PID1: variants seen among roughly 807,000 people sequenced by gnomAD.
PID1 encodes the protein PTB-containing, cubilin and LRP1-interacting protein.
PID1 carries 10 observed loss-of-function variants against 19.1 expected under a neutral mutation model. The ratio of observed to expected loss-of-function variants is 0.52; its 90% CI spans 0.32 to 0.89. The LOEUF (loss-of-function observed/expected upper bound fraction) is 0.89. Among genes scored for constraint, PID1 ranks in the 40% least tolerant of loss-of-function variants. PID1 has a pLI of 0.03. For synonymous variants in PID1, 130 were observed against 116.0 expected, an observed-to-expected ratio of 1.12 and a Z score of -0.78; for missense variants, 248 against 285.3, an observed-to-expected ratio of 0.87 and a Z score of 0.94.
intron 2 of PID1, among the ~76,000 whole-genome samples, chr2:229,063,215 T>C (rs150132400): frequency 6.9e-4 from 105 of 152,186 alleles, no homozygotes; most frequent in African/African-American, 2.3e-3. Flanking sequence ...TAATGTTAGA[T>C]TGTTTATTTG....
chr2:229,046,716 G>C (rs774733687), intron 2 of PID1, among the ~76,000 whole-genome samples: 3 of 152,066 alleles, frequency 2.0e-5, no homozygotes, highest in Non-Finnish European at 2.9e-5. Context: ...TAGATTCAAA[G>C]AGGAACCCAA....
chr2:229,141,727 T>C (rs1039365265), intron 2 of PID1, among the ~76,000 whole-genome samples: 2 of 152,266 alleles, frequency 1.3e-5, no homozygotes, highest in Admixed American at 1.3e-4. Flanking sequence ...TTTATCCTCA[T>C]TACTTCCTGA....
rs142143277 is a variant in PID1 at position 229,226,514 on chromosome 2, C to A, written c.30+44500G>T. On this transcript the variant is annotated intron_variant, in intron 1 of 2. Transcript: ENST00000392055. Reference sequence around the variant, plus strand: ...CACCTCCCAAACCCATGGGACACCACCCAAGATGCTGGACTTCCAAGCTCC... The same window carrying A: ...CACCTCCCAAACCCATGGGACACCAACCAAGATGCTGGACTTCCAAGCTCC... Among the ~76,000 whole-genome samples the A allele has an allele frequency of 7.9e-5, 12 of 152,298 alleles. No homozygotes were observed. The East Asian group carries it at 2.3e-3, about 29-fold the overall frequency.
intron 1 of PID1, among the ~76,000 whole-genome samples, chr2:229,234,173 G>T (rs990219720): frequency 6.6e-6 from 1 of 152,114 alleles, no homozygotes; most frequent in Non-Finnish European, 1.5e-5. Flanking sequence ...CCAAAACAGA[G>T]AAGACAAATA....
At chr2:229,219,664 G>A (rs2106257215) in intron 1 of PID1, among the ~76,000 whole-genome samples, 1 of 152,066 alleles carries the variant, frequency 6.6e-6, no homozygotes, top group South Asian at 2.1e-4. Context: ...CTCCCAAGTA[G>A]CTAGGAGGAC....
intron 1 of PID1, among the ~76,000 whole-genome samples, chr2:229,171,412 G>T (rs543483681): frequency 3.9e-5 from 6 of 152,172 alleles, no homozygotes; most frequent in East Asian, 3.9e-4. Flanking sequence ...TGTTCTACAC[G>T]TTATCTTTAG....
intron 2 of PID1, among the ~76,000 whole-genome samples, chr2:229,124,157 T>A (rs1466342863): frequency 6.6e-6 from 1 of 152,214 alleles, no homozygotes; most frequent in Non-Finnish European, 1.5e-5. Context: ...TCTTCAGGCA[T>A]CATGCTGAGT....
At chr2:229,045,476 G>A (rs1693856989) in intron 2 of PID1, among the ~76,000 whole-genome samples, 1 of 152,364 alleles carries the variant, frequency 6.6e-6, no homozygotes, top group South Asian at 2.1e-4. Context: ...CAAATGAACA[G>A]GAGCTGCTGG....
intron 2 of PID1, among the ~76,000 whole-genome samples, chr2:229,046,377 T>TGC (rs1255414176): frequency 5.6e-4 from 83 of 147,030 alleles, no homozygotes; most frequent in African/African-American, 1.8e-3. Context: ...TGTGTGTGTG[T>TGC]GTGCGTGTGT....
At chr2:229,143,418 T>C (rs935122181) in intron 2 of PID1, among the ~76,000 whole-genome samples, 3 of 152,166 alleles carry the variant, frequency 2.0e-5, no homozygotes, top group African/African-American at 7.2e-5. Context: ...ATATCTTAAA[T>C]GGTTCCCAAA....
chr2:229,042,125 T>C (rs1199279462), intron 2 of PID1, among the ~76,000 whole-genome samples: 1 of 152,214 alleles, frequency 6.6e-6, no homozygotes, highest in African/African-American at 2.4e-5. Context: ...ACATCATGTC[T>C]ACATTTTGCT....
At chr2:229,035,120 G>T (rs1693634949) in intron 2 of PID1, among the ~76,000 whole-genome samples, 2 of 152,142 alleles carry the variant, frequency 1.3e-5, no homozygotes, top group Admixed American at 1.3e-4. Flanking sequence ...CCCACTCTTA[G>T]GTCAAACACC....
chr2:229,075,267 A>G (rs1694535085), intron 2 of PID1, among the ~76,000 whole-genome samples: 1 of 152,244 alleles, frequency 6.6e-6, no homozygotes, highest in South Asian at 2.1e-4. Flanking sequence ...TTCTTGCACC[A>G]TGGTGAAGTA....
chr2:229,094,396 T>C (rs1441072632), intron 2 of PID1, among the ~76,000 whole-genome samples: 2 of 152,046 alleles, frequency 1.3e-5, no homozygotes, highest in African/African-American at 4.8e-5. Context: ...TCAATGCAAT[T>C]CCTATCAAAA....
At chr2:229,181,157 T>C (rs1690938182) in intron 1 of PID1, among the ~76,000 whole-genome samples, 1 of 152,114 alleles carries the variant, frequency 6.6e-6, no homozygotes, top group African/African-American at 2.4e-5. Flanking sequence ...AATTCTGATA[T>C]GGGATAATGT....
At chr2:229,132,944 G>A (rs907507008) in intron 2 of PID1, among the ~76,000 whole-genome samples, 1 of 152,108 alleles carries the variant, frequency 6.6e-6, no homozygotes, top group African/African-American at 2.4e-5. Flanking sequence ...GGATAAAAAT[G>A]TTGACAATTT....
intron 2 of PID1, among the ~76,000 whole-genome samples, chr2:229,045,343 T>A (rs751731993): frequency 2.6e-5 from 4 of 152,226 alleles, no homozygotes; most frequent in Non-Finnish European, 4.4e-5. Context: ...TAATAATAAT[T>A]TCAATTAATA....
chr2:229,266,448 A>C (rs182961308), intron 1 of PID1, among the ~76,000 whole-genome samples: 1 of 151,812 alleles, frequency 6.6e-6, no homozygotes, highest in East Asian at 1.9e-4. Context: ...GATTTGAGCC[A>C]CCAAAAACAG....
intron 2 of PID1, among the ~76,000 whole-genome samples, chr2:229,084,819 G>C (rs534583368): frequency 5.9e-5 from 9 of 152,284 alleles, no homozygotes; most frequent in African/African-American, 2.2e-4. Context: ...CTAGTCACTT[G>C]AGAAAAGCAC....
Sources: gnomAD v4.1 joint callset for allele counts (sites outside exome capture counted in the v4.1 genomes callset) on GRCh38, gnomAD v4.1.1 for gene constraint, MANE v1.5 for transcripts, NCBI Gene and HGNC (gene_info 2026-07-23, HGNC 2026-07-21) for gene names.